The following NDUFS4 variants were observed in gnomAD, a reference collection of about 807,000 sequenced individuals.
NDUFS4 encodes NADH dehydrogenase [ubiquinone] iron-sulfur protein 4, mitochondrial.
A neutral mutation model predicts 24.3 loss-of-function variants in NDUFS4; 28 were observed. That is an observed-to-expected ratio of 1.15 (90% CI 0.85 to 1.58). The LOEUF (loss-of-function observed/expected upper bound fraction) is 1.58. NDUFS4 is among the 40% of genes most tolerant of loss of function. The probability of loss-of-function intolerance (pLI) is 0.00; values close to 1 mark genes in which losing one functional copy is unlikely to be tolerated. For missense variants in NDUFS4, 223 were observed against 207.9 expected, an observed-to-expected ratio of 1.07 and a Z score of -0.45; for synonymous variants, 93 against 69.7, an observed-to-expected ratio of 1.34 and a Z score of -1.67.
chr5:53,580,717 T>TTTC (rs1491278742), intron 1 of NDUFS4, among the ~76,000 whole-genome samples: 148 of 125,270 alleles, frequency 1.2e-3, no homozygotes, highest in African/African-American at 3.7e-3. Context: ...CCTTTCCTTT[T>TTTC]CCTTTTCCTT....
chr5:53,650,242 C>T (rs1751979687), intron 3 of NDUFS4, among the ~76,000 whole-genome samples: 1 of 152,060 alleles, frequency 6.6e-6, no homozygotes, highest in Non-Finnish European at 1.5e-5. Context: ...GAGTAAAATA[C>T]TTTATATAAG....
intron 1 of NDUFS4, among the ~76,000 whole-genome samples, chr5:53,580,771 TTCTCTC>T (rs746212044): frequency 6.6e-6 from 1 of 150,486 alleles, no homozygotes; most frequent in East Asian, 1.9e-4. Context: ...CTTTCTTTCT[TTCTCTC>T]TCTCTTTCTT....
chr5:53,615,002 T>G (rs1424583884), intron 2 of NDUFS4, among the ~76,000 whole-genome samples: 1 of 151,962 alleles, frequency 6.6e-6, no homozygotes, highest in Non-Finnish European at 1.5e-5. Context: ...CCTTGAAAAT[T>G]GCTTATCTAA....
At chr5:53,645,025 T>C (rs1191110451) in intron 2 of NDUFS4, among the ~76,000 whole-genome samples, 4 of 152,120 alleles carry the variant, frequency 2.6e-5, no homozygotes, top group African/African-American at 9.7e-5. Flanking sequence ...CATTGATAGA[T>C]TGAAACTACA....
At chr5:53,648,825 G>C (rs1010797895) in intron 3 of NDUFS4, among the ~76,000 whole-genome samples, 3 of 152,122 alleles carry the variant, frequency 2.0e-5, no homozygotes, top group Non-Finnish European at 4.4e-5. Flanking sequence ...GTATCAAGGA[G>C]AATACTTTGA....
intron 4 of NDUFS4, among the ~76,000 whole-genome samples, chr5:53,663,738 G>T (rs1443742495): frequency 6.6e-6 from 1 of 152,118 alleles, no homozygotes; most frequent in African/African-American, 2.4e-5. Flanking sequence ...CTGCTCATGA[G>T]ATGGGTTTCC....
At chr5:53,615,653 T>C (rs1579876181) in intron 2 of NDUFS4, among the ~76,000 whole-genome samples, 1 of 151,610 alleles carries the variant, frequency 6.6e-6, no homozygotes. Flanking sequence ...TTTCTAGAAA[T>C]GTGTGAATAG....
chr5:53,669,308 T>A lies in NDUFS4; in HGVS notation c.424+10684T>A, dbSNP rs570672915. On this transcript the variant is annotated intron_variant, in intron 4 of 4. Coordinates refer to ENST00000296684, the MANE Select transcript of NDUFS4 (RefSeq NM_002495.4). ...CTTCACAATATAGGCACAAACTTACTACCAAAGCACTAACAAGTTTTGTCT... is the reference window on the plus strand; with the variant it reads ...CTTCACAATATAGGCACAAACTTACAACCAAAGCACTAACAAGTTTTGTCT... 7.0e-4 allele frequency among the ~76,000 whole-genome samples: 106 copies of A among 152,304 alleles called. 1 individual carries two copies. The highest frequency in any genetic ancestry group is 2.5e-3 in the African/African-American group (104 of 41,576).
intron 2 of NDUFS4, among the ~76,000 whole-genome samples, chr5:53,613,006 A>G (rs1352417993): frequency 6.6e-6 from 1 of 152,122 alleles, no homozygotes; most frequent in African/African-American, 2.4e-5. Context: ...AAGTCTGCAA[A>G]CTTGAATTAA....
intron 1 of NDUFS4, among the ~76,000 whole-genome samples, chr5:53,590,850 G>T (rs2112441344): frequency 6.6e-6 from 1 of 152,202 alleles, no homozygotes; most frequent in South Asian, 2.1e-4. Context: ...CATTCACATT[G>T]TTGTGCAACC....
chr5:53,571,312 G>GGC (rs1220782322), intron 1 of NDUFS4, among the ~76,000 whole-genome samples: 1 of 152,178 alleles, frequency 6.6e-6, no homozygotes, highest in Non-Finnish European at 1.5e-5. Context: ...TTTTGTGACA[G>GGC]GCTTGTTTCA....
chr5:53,609,164 C>G (rs72751862), intron 2 of NDUFS4, among the ~76,000 whole-genome samples: 25,048 of 152,114 alleles, frequency 0.16, 2,297 homozygotes, highest in Non-Finnish European at 0.21. Flanking sequence ...GAATCCTTTC[C>G]GGAAGGTTTT....
At position 53,601,017 on chromosome 5, in the gene NDUFS4, T is replaced by G. The variant is rs1750302441; in HGVS notation, c.99-2435T>G. ...GTTTATAATAAATTTTTTTTTTTTT[T>G]TTTTTGAGACGGAGTCTTGCTCTGT... On this transcript the variant is annotated intron_variant, in intron 1 of 4. Coordinates refer to ENST00000296684, the MANE Select transcript of NDUFS4 (RefSeq NM_002495.4). 4.0e-5 allele frequency among the ~76,000 whole-genome samples: 6 copies of G among 150,242 alleles called. No homozygotes were observed. The South Asian group carries it at 1.3e-3, about 32-fold the overall frequency.
intron 3 of NDUFS4, among the ~76,000 whole-genome samples, chr5:53,648,560 G>A (rs1253286139): frequency 2.0e-5 from 3 of 152,200 alleles, no homozygotes; most frequent in African/African-American, 7.2e-5. Context: ...TGTTTCAAGA[G>A]ATTCCTGGTG....
chr5:53,595,791 G>T (rs1041735164), intron 1 of NDUFS4, among the ~76,000 whole-genome samples: 4 of 152,134 alleles, frequency 2.6e-5, no homozygotes, highest in Non-Finnish European at 5.9e-5. Context: ...ATTAGTTTCA[G>T]TTTGGGGCTT....
intron 4 of NDUFS4, among the ~76,000 whole-genome samples, chr5:53,660,688 C>T (rs1196413229): frequency 1.3e-4 from 20 of 152,006 alleles, no homozygotes; most frequent in Admixed American, 2.6e-4. Context: ...TAATGATCGC[C>T]GTTCTAACTG....
At chr5:53,652,116 T>C (rs1752037517) in intron 3 of NDUFS4, among the ~76,000 whole-genome samples, 1 of 152,186 alleles carries the variant, frequency 6.6e-6, no homozygotes, top group South Asian at 2.1e-4. Context: ...AGGTCTATCA[T>C]ATTGATGGAA....
chr5:53,603,483 C>T lies in NDUFS4; in HGVS notation c.130C>T (p.Gln44Ter). The T allele has an allele frequency of 6.2e-7, 1 of 1,613,868 alleles. No individual in the cohort carries two copies. Among genetic ancestry groups the T allele is most frequent in the Non-Finnish European group, 8.5e-7 (1 of 1,179,930 alleles). Residue 44 changes from glutamine (Q) to a stop codon, truncating the protein, a stop_gained, in exon 2 of 5, where the codon CAG becomes TAG. Coordinates refer to ENST00000296684, the MANE Select transcript of NDUFS4 (RefSeq NM_002495.4). LOFTEE classifies it high-confidence loss of function. ...GAGGACTTCCACATGGAGATTGGCA[C>T]AGGACCAGACTCAAGACACACAACT... is the stretch of plus-strand genomic sequence containing the variant. ...SLRTSTWRLA[Q>*]DQTQDTQLIT...
At chr5:53,627,174 A>T (rs181166214) in intron 2 of NDUFS4, among the ~76,000 whole-genome samples, 1 of 152,304 alleles carries the variant, frequency 6.6e-6, no homozygotes, top group Non-Finnish European at 1.5e-5. Flanking sequence ...CAGGTTTGTC[A>T]AAGATCAGAT....
Sources: allele counts gnomAD v4.1 joint callset (sites outside exome capture counted in the v4.1 genomes callset), GRCh38; gene constraint gnomAD v4.1.1; transcripts MANE v1.5; gene names NCBI Gene and HGNC (gene_info 2026-07-23, HGNC 2026-07-21).